The following EIF3E variants were observed in gnomAD, a reference collection of about 807,000 sequenced individuals.
The protein encoded by EIF3E is eukaryotic translation initiation factor 3 subunit E, also known as eIF-3 p48.
EIF3E carries 25 observed loss-of-function variants against 59.3 expected under a neutral mutation model. The ratio of observed to expected loss-of-function variants is 0.42; its 90% CI spans 0.31 to 0.59. The LOEUF is 0.59. EIF3E is among the 20% of genes least tolerant of loss of function. The pLI is 0.15. For missense variants in EIF3E, 317 were observed against 534.3 expected (o/e 0.59, Z 4.01); for synonymous variants, 176 against 170.2 (o/e 1.03, Z -0.26).
chr8:108,212,526 C>T (rs1438986160), intron 10 of EIF3E, among the ~76,000 whole-genome samples: 1 of 152,104 alleles, frequency 6.6e-6, no homozygotes, highest in Admixed American at 6.6e-5. Context: ...AAACGCTGGG[C>T]GCAAGTGGCT....
chr8:108,223,658 G>A (rs1815462741), intron 7 of EIF3E, among the ~76,000 whole-genome samples: 1 of 152,138 alleles, frequency 6.6e-6, no homozygotes, highest in African/African-American at 2.4e-5. Context: ...TTTCCTAACA[G>A]CATCTACATT....
chr8:108,204,974 T>A (rs1046820877), intron 10 of EIF3E, among the ~76,000 whole-genome samples: 2 of 152,044 alleles, frequency 1.3e-5, no homozygotes, highest in Non-Finnish European at 2.9e-5. Flanking sequence ...ACACCAGTCT[T>A]AGTAAATAGG....
At chr8:108,217,501 G>C (rs775805424) in intron 7 of EIF3E, 41 bp from the exon 8 acceptor site, 81 of 1,525,034 alleles carry the variant, frequency 5.3e-5, no homozygotes, top group Non-Finnish European at 7.1e-5. Context: ...CTTACCCAGG[G>C]TGAGATAAAG....
chr8:108,203,944 A>G lies in EIF3E; in HGVS notation c.1062-441T>C, dbSNP rs143648272. 1.1e-4 allele frequency among the ~76,000 whole-genome samples: 16 copies of G among 152,260 alleles called. No individual in the cohort carries two copies. In the East Asian group the frequency reaches 3.1e-3, roughly 29 times the overall value. On this transcript the variant is annotated intron_variant, in intron 10 of 12. Transcript: ENST00000220849. ...ATTTGGGAAAAAGCAAACAAACAAT[A>G]AAAAAGAATACAAAAATAATACAAA...
chr8:108,220,601 C>A (rs1401946681), intron 7 of EIF3E, among the ~76,000 whole-genome samples: 3 of 152,158 alleles, frequency 2.0e-5, no homozygotes, highest in African/African-American at 4.8e-5. Flanking sequence ...TTAGATGGCA[C>A]AAACTAAGAA....
chr8:108,203,762 T>C lies in EIF3E; in HGVS notation c.1062-259A>G, dbSNP rs367949683. Reference sequence around the variant, plus strand: ...GTAACATATTCTGCATTTACGGAAATCCTTCAGCTTCTAGAACAGTACTTT... The same window carrying C: ...GTAACATATTCTGCATTTACGGAAACCCTTCAGCTTCTAGAACAGTACTTT... On this transcript the variant is annotated intron_variant, in intron 10 of 12. Transcript: ENST00000220849. Among the ~76,000 whole-genome samples the C allele has an allele frequency of 1.4e-4, 21 of 152,148 alleles. 1 individual carries two copies. The highest frequency in any genetic ancestry group is 4.3e-4 in the African/African-American group (18 of 41,538).
chr8:108,208,225 C>A (rs920800758), intron 10 of EIF3E, among the ~76,000 whole-genome samples: 3 of 152,086 alleles, frequency 2.0e-5, no homozygotes, highest in Non-Finnish European at 4.4e-5. Context: ...CTTTGAATAA[C>A]CTGGCTTTCC....
chr8:108,217,489 A>G (rs1815326177), intron 7 of EIF3E, 29 bp from the exon 8 acceptor site: 1 of 1,556,144 alleles, frequency 6.4e-7, no homozygotes, highest in Non-Finnish European at 8.7e-7. Context: ...GTTATTTAAT[A>G]ACTTACCCAG....
intron 1 of EIF3E, among the ~76,000 whole-genome samples, chr8:108,243,646 A>AG (rs1554601133): frequency 2.0e-5 from 3 of 149,864 alleles, no homozygotes; most frequent in Non-Finnish European, 4.4e-5. Context: ...AAGAAAAAAA[A>AG]AAAAAAAAAA....
chr8:108,223,829 A>G (rs574312524), intron 7 of EIF3E, among the ~76,000 whole-genome samples: 8 of 149,910 alleles, frequency 5.3e-5, no homozygotes, highest in African/African-American at 7.6e-5. Flanking sequence ...AAATGGTAAT[A>G]TATGTGATGT....
At chr8:108,228,983 C>A (rs867479783) in intron 6 of EIF3E, 87 bp downstream of exon 6, 32 of 1,339,370 alleles carry the variant, frequency 2.4e-5, no homozygotes, top group Middle Eastern at 2.9e-4. Context: ...TTTTTTAATT[C>A]CCAAAATGCA....
chr8:108,210,809 A>AT (rs1815193249), intron 10 of EIF3E, among the ~76,000 whole-genome samples: 1 of 148,536 alleles, frequency 6.7e-6, no homozygotes, highest in Non-Finnish European at 1.5e-5. Context: ...AAGTGTTCTC[A>AT]TTGTTCAATT....
chr8:108,242,356 GT>G (rs1167353291), intron 1 of EIF3E: 1 of 1,289,414 alleles, frequency 7.8e-7, no homozygotes, highest in South Asian at 1.2e-5. Flanking sequence ...CCTGCACCAA[GT>G]TTTTAAGTCA....
chr8:108,205,205 T>G (rs1255591481), intron 10 of EIF3E, among the ~76,000 whole-genome samples: 1 of 152,150 alleles, frequency 6.6e-6, no homozygotes, highest in South Asian at 2.1e-4. Context: ...ATTTTTGCTA[T>G]AGTTGTTTTA....
At chr8:108,216,625 C>A in intron 8 of EIF3E, 112 bp from the exon 9 acceptor site, 1 of 730,714 alleles carries the variant, frequency 1.4e-6, no homozygotes, top group South Asian at 1.7e-5. Context: ...AATTTCTAGC[C>A]AAATTACCTA....
intron 10 of EIF3E, among the ~76,000 whole-genome samples, chr8:108,213,155 C>T (rs1815242575): frequency 6.6e-6 from 1 of 152,160 alleles, no homozygotes; most frequent in African/African-American, 2.4e-5. Flanking sequence ...CATACTTAAT[C>T]TATGTTCCTC....
chr8:108,216,390 A>G (rs1815306648), intron 9 of EIF3E, 22 bp downstream of exon 9: 2 of 1,561,872 alleles, frequency 1.3e-6, no homozygotes, highest in East Asian at 2.3e-5. Context: ...GTATTAGTTT[A>G]TAAATAAAAA....
intron 7 of EIF3E, among the ~76,000 whole-genome samples, chr8:108,219,942 A>C (rs976377468): frequency 6.6e-6 from 1 of 152,176 alleles, no homozygotes; most frequent in African/African-American, 2.4e-5. Context: ...CAGGAGTTTG[A>C]CATCAGCCTG....
intron 10 of EIF3E, among the ~76,000 whole-genome samples, chr8:108,208,210 T>C (rs1165508466): frequency 2.0e-5 from 3 of 152,114 alleles, no homozygotes; most frequent in African/African-American, 7.2e-5. Flanking sequence ...TCTTATTAAT[T>C]ACCTCTTTGA....
Sources: allele counts gnomAD v4.1 joint callset (sites outside exome capture counted in the v4.1 genomes callset), GRCh38; gene constraint gnomAD v4.1.1; transcripts MANE v1.5; gene names NCBI Gene and HGNC (gene_info 2026-07-23, HGNC 2026-07-21).